The following NTRK2 variants were observed in gnomAD, a reference collection of about 807,000 sequenced individuals.
NTRK2 encodes neurotrophic receptor tyrosine kinase 2.
NTRK2 carries 13 observed loss-of-function variants against 94.5 expected under a neutral mutation model. That is an observed-to-expected ratio of 0.14 (90% CI 0.09 to 0.22). The LOEUF (loss-of-function observed/expected upper bound fraction) is 0.22, where lower values mean the gene tolerates loss of function less well. Among genes scored for constraint, NTRK2 ranks in the 10% least tolerant of loss-of-function variants. The pLI, the probability that NTRK2 is intolerant of heterozygous loss-of-function variation, is 1.00. For missense variants in NTRK2, 639 were observed against 1,071.2 expected, an observed-to-expected ratio of 0.60 and a Z score of 5.63; for synonymous variants, 372 against 407.4, an observed-to-expected ratio of 0.91 and a Z score of 1.05.
At chr9:84,811,296 C>CA (rs1278818617) in intron 12 of NTRK2, 16 of 1,065,080 alleles carry the variant, frequency 1.5e-5, no homozygotes, top group Non-Finnish European at 1.8e-5. Context: ...CAAAACAAAA[C>CA]AAACAAATGA....
chr9:84,820,359 C>T (rs1033210568), intron 12 of NTRK2, among the ~76,000 whole-genome samples: 3 of 151,754 alleles, frequency 2.0e-5, no homozygotes, highest in African/African-American at 4.8e-5. Context: ...TAAGAGAGAT[C>T]GGGTTTCACC....
chr9:84,745,935 T>C (rs772108155), intron 11 of NTRK2, among the ~76,000 whole-genome samples: 33 of 152,186 alleles, frequency 2.2e-4, no homozygotes, highest in Admixed American at 2.0e-4. Flanking sequence ...TCAGTTGCTC[T>C]GGTCCGAACC....
intron 17 of NTRK2, among the ~76,000 whole-genome samples, chr9:84,987,217 A>G (rs1349334569): frequency 6.6e-6 from 1 of 152,216 alleles, no homozygotes; most frequent in Non-Finnish European, 1.5e-5. Flanking sequence ...ATTGAGCACC[A>G]TTAGCTGTGC....
intron 13 of NTRK2, among the ~76,000 whole-genome samples, chr9:84,865,034 C>T (rs929517986): frequency 2.0e-5 from 3 of 152,080 alleles, no homozygotes; most frequent in African/African-American, 4.8e-5. Context: ...CCACCATGCC[C>T]GGCCAACACA....
Position 84,876,028 on chromosome 9 carries a change from T to C in NTRK2, c.1633+8597T>C, listed in dbSNP as rs1421735146. 5.9e-6 allele frequency: 6 copies of C among 1,024,652 alleles called. No homozygotes were observed. In the Admixed American group the frequency reaches 3.4e-4, roughly 58 times the overall value. 63.5% of individuals were successfully genotyped at this position (1,024,652 alleles called of 1,614,324 possible). A position where few individuals can be genotyped will look rare whatever the true frequency, so the allele number is the denominator to read the frequency against. The stretch of plus-strand genomic sequence containing the variant: ...ATATAATCCTAGTTTCTATATATTA[T>C]TTTTATTCATTACTGTATATGGGTA... On this transcript the variant is annotated intron_variant, in intron 14 of 18. Transcript: ENST00000277120.
intron 14 of NTRK2, among the ~76,000 whole-genome samples, chr9:84,889,800 G>A (rs2076542633): frequency 6.6e-6 from 1 of 152,182 alleles, no homozygotes; most frequent in Non-Finnish European, 1.5e-5. Flanking sequence ...CTAGGATTTA[G>A]TTTTCAGAAA....
At chr9:84,786,860 A>T (rs1404436674) in intron 12 of NTRK2, among the ~76,000 whole-genome samples, 1 of 152,186 alleles carries the variant, frequency 6.6e-6, no homozygotes, top group African/African-American at 2.4e-5. Flanking sequence ...CCTGAAAAAT[A>T]TGTCGAAAAT....
chr9:84,858,391 A>G (rs939719017), intron 12 of NTRK2, among the ~76,000 whole-genome samples: 14 of 151,750 alleles, frequency 9.2e-5, no homozygotes, highest in Admixed American at 5.9e-4. Flanking sequence ...TATAATATCC[A>G]AACTCTTGAC....
intron 17 of NTRK2, among the ~76,000 whole-genome samples, chr9:84,970,367 AAAT>A (rs1440040671): frequency 6.6e-6 from 1 of 151,956 alleles, no homozygotes; most frequent in East Asian, 1.9e-4. Flanking sequence ...AGAGTGCAAA[AAAT>A]AAAAAAATAA....
In NTRK2 at chr9:84,670,828, G is replaced by C; in HGVS notation, c.80G>C (p.Arg27Thr). Residue 27 changes from arginine to threonine, a missense_variant, in exon 2 of 19, where the codon AGG (arginine) becomes ACG (threonine). By Grantham distance (71) the Arg-to-Thr change is moderately conservative. This residue lies in a region of NTRK2 where 206 missense variants were observed against 251.5 expected (regional missense o/e 0.82). Coordinates refer to ENST00000277120, the MANE Select transcript of NTRK2 (RefSeq NM_006180.6). ...GFCWLVVGFW[R>T]AAFACPTSCK... ...TGCTGGCTGGTTGTGGGCTTCTGGA[G>C]GGCCGCTTTCGCCTGTCCCACGTCC... is the stretch of plus-strand genomic sequence containing the variant. 1 of 1,614,112 alleles carries C rather than the reference G, an allele frequency of 6.2e-7. No homozygotes were observed. Among genetic ancestry groups the C allele is most frequent in the Non-Finnish European group, 8.5e-7 (1 of 1,180,036 alleles).
intron 14 of NTRK2, chr9:84,872,836 G>A (rs2075914523): frequency 1.9e-6 from 2 of 1,064,994 alleles, no homozygotes; most frequent in Non-Finnish European, 2.3e-6. Flanking sequence ...ATTATAAAGG[G>A]AGGGAGTATT....
chr9:84,916,094 A>T (rs2077384667), intron 14 of NTRK2, among the ~76,000 whole-genome samples: 1 of 151,962 alleles, frequency 6.6e-6, no homozygotes, highest in Admixed American at 6.6e-5. Context: ...AGTGCTACAA[A>T]GGGTAGGTCA....
At chr9:84,890,069 G>GC (rs1180630320) in intron 14 of NTRK2, among the ~76,000 whole-genome samples, 2 of 152,196 alleles carry the variant, frequency 1.3e-5, no homozygotes, top group Admixed American at 1.3e-4. Context: ...GGATAAGTAT[G>GC]CCCAACTTCT....
intron 16 of NTRK2, among the ~76,000 whole-genome samples, chr9:84,952,222 C>T (rs1008538206): frequency 1.3e-5 from 2 of 152,206 alleles, no homozygotes; most frequent in East Asian, 1.9e-4. Context: ...AAACCTGCAG[C>T]CCCTGGCTGC....
intron 9 of NTRK2, among the ~76,000 whole-genome samples, chr9:84,735,004 C>A (rs1007808812): frequency 6.6e-6 from 1 of 152,054 alleles, no homozygotes; most frequent in Non-Finnish European, 1.5e-5. Context: ...GGGACAAAAC[C>A]AATCTCCTGT....
At chr9:84,877,616 G>C (rs1461915447) in intron 14 of NTRK2, 1 of 1,065,580 alleles carries the variant, frequency 9.4e-7, no homozygotes, top group Non-Finnish European at 1.1e-6. Context: ...TTGGGCTGCG[G>C]TAGGATAGGG....
rs1832803021 is a variant in NTRK2 at position 85,021,937 on chromosome 9, G to C, written c.*500G>C. ...TCACTTAAACTTTGTCACTTCTGCT[G>C]TACAGATATCGAGAGTTTCTATGGA... is the stretch of plus-strand genomic sequence containing the variant. On this transcript the variant is annotated 3_prime_UTR_variant, in exon 19 of 19. Coordinates refer to ENST00000277120, the MANE Select transcript of NTRK2 (RefSeq NM_006180.6). 3.9e-6 allele frequency: 1 copy of C among 254,976 alleles called. No homozygotes were observed. The highest frequency in any genetic ancestry group is 2.2e-5 in the African/African-American group (1 of 45,484). 15.8% of individuals were successfully genotyped at this position (254,976 alleles called of 1,614,324 possible).
chr9:84,874,360 G>C, intron 14 of NTRK2: 2 of 1,065,128 alleles, frequency 1.9e-6, no homozygotes, highest in Non-Finnish European at 2.3e-6. Flanking sequence ...TTATAACAAA[G>C]TGAAGGTTTT....
chr9:84,925,488 C>A (rs1036159534), intron 14 of NTRK2, among the ~76,000 whole-genome samples: 2 of 152,142 alleles, frequency 1.3e-5, no homozygotes, highest in African/African-American at 4.8e-5. Flanking sequence ...CCCTCTCCTG[C>A]CTCTGATTAG....
Sources: gnomAD v4.1 joint callset for allele counts (sites outside exome capture counted in the v4.1 genomes callset) on GRCh38, gnomAD v4.1.1 for gene constraint, gnomAD v4.1.1 regional missense constraint, MANE v1.5 for transcripts, NCBI Gene and HGNC (gene_info 2026-07-23, HGNC 2026-07-21) for gene names.